Variants in CACNA1C observed in about 807,000 individuals in gnomAD.
The protein encoded by CACNA1C is voltage-dependent L-type calcium channel subunit alpha-1C.
In CACNA1C, 30 loss-of-function variants were observed where a neutral mutation model predicts 229.0. The observed-to-expected ratio is 0.13, with a 90% CI of 0.10 to 0.18. CACNA1C has a LOEUF of 0.18. Among genes scored for constraint, CACNA1C ranks in the 10% least tolerant of loss-of-function variants. The pLI, the probability that CACNA1C is intolerant of heterozygous loss-of-function variation, is 1.00. For synonymous variants in CACNA1C, 1,114 were observed against 1,132.5 expected (o/e 0.98, Z 0.33); for missense variants, 1,658 against 2,845.0 (o/e 0.58, Z 9.49).
At chr12:2,507,816 TG>T (rs1221840002) in intron 8 of CACNA1C, among the ~76,000 whole-genome samples, 6 of 152,324 alleles carry the variant, frequency 3.9e-5, no homozygotes, top group Non-Finnish European at 8.8e-5. Flanking sequence ...GCCCAAGCGA[TG>T]TGAATCCATC....
chr12:2,615,906 G>A (rs1393436821), intron 29 of CACNA1C, among the ~76,000 whole-genome samples: 1 of 152,174 alleles, frequency 6.6e-6, no homozygotes, highest in African/African-American at 2.4e-5. Flanking sequence ...TGCCAGGAAG[G>A]CAGGGGTTCA....
intron 34 of CACNA1C, among the ~76,000 whole-genome samples, chr12:2,655,554 A>ACCT (rs373173411): frequency 9.8e-5 from 15 of 152,290 alleles, no homozygotes; most frequent in African/African-American, 2.9e-4. Context: ...ACGCTTTGTG[A>ACCT]CCTTGAGTGA....
chr12:2,061,244 G>A (rs2057382311), intron 1 of CACNA1C, among the ~76,000 whole-genome samples: 1 of 151,946 alleles, frequency 6.6e-6, no homozygotes, highest in African/African-American at 2.4e-5. Flanking sequence ...TCAAACATCA[G>A]CTACTCTTAT....
chr12:2,120,314 C>G lies in CACNA1C; in HGVS notation c.372-11C>G. 1 of 1,340,406 alleles carries G rather than the reference C, an allele frequency of 7.5e-7. No homozygotes were observed. Among genetic ancestry groups the G allele is most frequent in the Non-Finnish European group, 1.1e-6 (1 of 930,028 alleles). The allele number at this position is 1,340,406 out of a possible 1,614,324, so 83.0% of individuals were successfully genotyped here. On this transcript the variant is annotated splice_polypyrimidine_tract_variant and intron_variant, in intron 2 of 46. Transcript: ENST00000399655. Reference sequence around the variant, plus strand: ...TTCTGTGGCATTAACTTCCTTGACTCCCTTTCTCAGACCATTTGAAATAAT... The same window carrying G: ...TTCTGTGGCATTAACTTCCTTGACTGCCTTTCTCAGACCATTTGAAATAAT...
intron 18 of CACNA1C, among the ~76,000 whole-genome samples, chr12:2,588,265 C>T (rs577007757): frequency 6.6e-6 from 1 of 152,386 alleles, no homozygotes; most frequent in Admixed American, 6.5e-5. Flanking sequence ...GCTGCCCCTT[C>T]CAGGCCGCTG....
At chr12:2,126,004 C>T (rs1182831769) in intron 3 of CACNA1C, among the ~76,000 whole-genome samples, 1 of 152,260 alleles carries the variant, frequency 6.6e-6, no homozygotes, top group African/African-American at 2.4e-5. Flanking sequence ...CTCAGATTCC[C>T]TCGCAAACGC....
chr12:2,117,568 T>C (rs773443798), intron 2 of CACNA1C, among the ~76,000 whole-genome samples: 1 of 152,234 alleles, frequency 6.6e-6, no homozygotes, highest in Non-Finnish European at 1.5e-5. Context: ...AGCTGGCAAC[T>C]GACAGAGCTG....
In CACNA1C at chr12:2,319,321, G is replaced by A. The variant is rs2239042; in HGVS notation, c.478-129655G>A. Among the ~76,000 whole-genome samples the A allele has an allele frequency of 0.71, 107,977 of 151,814 alleles. 38,665 individuals are homozygous for A. The highest frequency in any genetic ancestry group is 0.76 in the African/African-American group (31,410 of 41,346). On this transcript the variant is annotated intron_variant, in intron 3 of 46. Coordinates refer to ENST00000399655, the MANE Select transcript of CACNA1C (RefSeq NM_000719.7). The surrounding 1 kb of genome is among the most constrained non-coding windows in gnomAD (Gnocchi z 4.0). ...GCATGAAGGCGGCATGCATGGGGGT[G>A]CCGTGCATGGTGGGCAACATACATG...
rs1393917891 is a variant in CACNA1C at position 2,287,061 on chromosome 12, C to T, written c.478-161915C>T. Among the ~76,000 whole-genome samples, 2 of 152,214 alleles carry T rather than the reference C, an allele frequency of 1.3e-5. No homozygotes were observed. Among genetic ancestry groups the T allele is most frequent in the Non-Finnish European group, 2.9e-5 (2 of 68,040 alleles). ...GTCTGGCTGACTGTCCCAATTACCCCGGGCCCAGAGGTGGGAGGTCCCACA... is the reference window on the plus strand; with the variant it reads ...GTCTGGCTGACTGTCCCAATTACCCTGGGCCCAGAGGTGGGAGGTCCCACA... On this transcript the variant is annotated intron_variant, in intron 3 of 46. Transcript: ENST00000399655. This position sits in a 1 kb window ranked among gnomAD's most constrained non-coding sequence, Gnocchi z 4.6.
At position 2,403,812 on chromosome 12, in the gene CACNA1C, C is replaced by G. The variant is rs796808211; in HGVS notation, c.478-45164C>G. Among the ~76,000 whole-genome samples the G allele has an allele frequency of 7.2e-5, 11 of 152,154 alleles. No individual in the cohort carries two copies. Among genetic ancestry groups the G allele is most frequent in the Admixed American group, 7.2e-4 (11 of 15,282 alleles). On this transcript the variant is annotated intron_variant, in intron 3 of 46. Coordinates refer to ENST00000399655, the MANE Select transcript of CACNA1C (RefSeq NM_000719.7). The surrounding 1 kb of genome is among the most constrained non-coding windows in gnomAD (Gnocchi z 4.1). ...CGGTGCCTTTCCCACCACAAGATGACGAAGATGTGGTGTTGACAGACTGCT... is the reference window on the plus strand; with the variant it reads ...CGGTGCCTTTCCCACCACAAGATGAGGAAGATGTGGTGTTGACAGACTGCT...
At chr12:2,390,834 G>A (rs2098468447) in intron 3 of CACNA1C, among the ~76,000 whole-genome samples, 2 of 152,212 alleles carry the variant, frequency 1.3e-5, no homozygotes, top group Non-Finnish European at 1.5e-5. Flanking sequence ...GTGCATTTGT[G>A]ATCTCTTTTT....
chr12:2,346,641 A>C lies in CACNA1C; in HGVS notation c.478-102335A>C, dbSNP rs1344185916. 6.6e-6 allele frequency among the ~76,000 whole-genome samples: 1 copy of C among 151,942 alleles called. No individual in the cohort carries two copies. The highest frequency in any genetic ancestry group is 2.4e-5 in the African/African-American group (1 of 41,350). On this transcript the variant is annotated intron_variant, in intron 3 of 46. Coordinates refer to ENST00000399655, the MANE Select transcript of CACNA1C (RefSeq NM_000719.7). This position sits in a 1 kb window ranked among gnomAD's most constrained non-coding sequence, Gnocchi z 4.4. Reference sequence around the variant, plus strand: ...AGTCACTGCCCTTCCAAGCCTGGAGAATGACTGCATCGTCCACCGTGATGA... The same window carrying C: ...AGTCACTGCCCTTCCAAGCCTGGAGCATGACTGCATCGTCCACCGTGATGA...
rs187604163 is a variant in CACNA1C at position 2,504,426 on chromosome 12, G to A, written c.1114-416G>A. The A allele has an allele frequency of 5.9e-5, 90 of 1,523,504 alleles. 1 individual carries two copies. Among genetic ancestry groups the A allele is most frequent in the African/African-American group, 4.9e-4 (36 of 72,962 alleles). 94.4% of individuals were successfully genotyped at this position (1,523,504 alleles called of 1,614,324 possible). ...GCTTCTTCTTTCCTAACTTTCCTTC[G>A]TCTTTCCAGATGCAGGACGCTATGG... On this transcript the variant is annotated intron_variant, in intron 7 of 46. Transcript: ENST00000399655. The surrounding 1 kb of genome is among the most constrained non-coding windows in gnomAD (Gnocchi z 6.8).
intron 3 of CACNA1C, among the ~76,000 whole-genome samples, chr12:2,312,183 C>T (rs529902019): frequency 6.6e-6 from 1 of 152,286 alleles, no homozygotes; most frequent in South Asian, 2.1e-4. Flanking sequence ...AGGGGTGACT[C>T]TTTTGGCAGG....
intron 3 of CACNA1C, among the ~76,000 whole-genome samples, chr12:2,271,151 T>C (rs1566799972): frequency 6.6e-6 from 1 of 152,052 alleles, no homozygotes; most frequent in Non-Finnish European, 1.5e-5. Context: ...TCAGGCCGGG[T>C]TGGAAGGGCC....
chr12:2,246,953 C>A (rs1328760866), intron 3 of CACNA1C, among the ~76,000 whole-genome samples: 1 of 152,134 alleles, frequency 6.6e-6, no homozygotes, highest in Non-Finnish European at 1.5e-5. Context: ...CCGTTCTTCC[C>A]CCATGCACAC....
chr12:2,389,480 A>G (rs1291846165), intron 3 of CACNA1C, among the ~76,000 whole-genome samples: 1 of 152,210 alleles, frequency 6.6e-6, no homozygotes, highest in Non-Finnish European at 1.5e-5. Context: ...CAAGCTGGCT[A>G]AACTTTAAGT....
chr12:2,544,587 G>T (rs2099877660), intron 9 of CACNA1C, among the ~76,000 whole-genome samples: 1 of 152,106 alleles, frequency 6.6e-6, no homozygotes. Flanking sequence ...ATCAAAAGAG[G>T]AACCATTACA....
rs573170450 is a variant in CACNA1C at position 2,684,610 on chromosome 12, AAC to A, written c.5574-1122_5574-1121del. 3.4e-3 allele frequency among the ~76,000 whole-genome samples: 515 copies of A among 152,322 alleles called. 2 individuals carry two copies. The highest frequency in any genetic ancestry group is 0.012 in the African/African-American group (488 of 41,566). On this transcript the variant is annotated intron_variant, in intron 43 of 46. Coordinates refer to ENST00000399655, the MANE Select transcript of CACNA1C (RefSeq NM_000719.7). Reference sequence around the variant, plus strand: ...TAAGAGGGTCTCAGGAGAGGAAGATAACACAGAGTTTCTCACTACCCCCAGAG... The same window carrying A: ...TAAGAGGGTCTCAGGAGAGGAAGATAACAGAGTTTCTCACTACCCCCAGAG...
Sources: gnomAD v4.1 joint callset for allele counts (sites outside exome capture counted in the v4.1 genomes callset) on GRCh38, gnomAD v4.1.1 for gene constraint, Gnocchi (gnomAD v3.1) non-coding constraint, MANE v1.5 for transcripts, NCBI Gene and HGNC (gene_info 2026-07-23, HGNC 2026-07-21) for gene names.